R3HDM1: variants seen among roughly 807,000 people sequenced by gnomAD.
R3HDM1 encodes R3H domain containing 1, also known as R3H domain-containing protein 1.
Under a neutral mutation model 141.1 loss-of-function variants are expected in R3HDM1, and 46 were observed. The ratio of observed to expected loss-of-function variants is 0.33; its 90% confidence interval spans 0.26 to 0.42. The LOEUF is 0.42. Ranked by LOEUF, R3HDM1 falls within the 10% of genes least tolerant of loss-of-function variation. The pLI, the probability that R3HDM1 is intolerant of heterozygous loss-of-function variation, is 1.00. For synonymous variants in R3HDM1, 435 were observed against 472.9 expected, an observed-to-expected ratio of 0.92 and a Z score of 1.04; for missense variants, 1,184 against 1,368.3, an observed-to-expected ratio of 0.87 and a Z score of 2.12.
chr2:135,607,248 A>G (rs2060153875), intron 3 of R3HDM1: 1 of 919,994 alleles, frequency 1.1e-6, no homozygotes, highest in Admixed American at 6.2e-5. Context: ...CAGCCTCCCA[A>G]ACTGCTGAGA....
chr2:135,661,924 A>G (rs565409034), intron 19 of R3HDM1, among the ~76,000 whole-genome samples: 1 of 152,366 alleles, frequency 6.6e-6, no homozygotes, highest in East Asian at 1.9e-4. Context: ...TTTTTAAACC[A>G]AATACAATCT....
At chr2:135,594,878 C>T (rs1241956123) in intron 1 of R3HDM1, among the ~76,000 whole-genome samples, 1 of 152,076 alleles carries the variant, frequency 6.6e-6, no homozygotes, top group Non-Finnish European at 1.5e-5. Flanking sequence ...TCTAACTTCG[C>T]ATCTCCTGGT....
At chr2:135,596,676 A>C (rs2059221579) in intron 1 of R3HDM1, among the ~76,000 whole-genome samples, 1 of 152,096 alleles carries the variant, frequency 6.6e-6, no homozygotes, top group South Asian at 2.1e-4. Flanking sequence ...ACATTCTGAC[A>C]TTCTTCTTTG....
chr2:135,659,845 C>T (rs2066462592), intron 18 of R3HDM1, among the ~76,000 whole-genome samples: 1 of 152,316 alleles, frequency 6.6e-6, no homozygotes, highest in African/African-American at 2.4e-5. Flanking sequence ...GTCTGCTATA[C>T]TTTTAAACAA....
At position 135,583,777 on chromosome 2, in the gene R3HDM1, C is replaced by T. The variant is rs137927656; in HGVS notation, c.-249-18723C>T. On this transcript the variant is annotated intron_variant, in intron 1 of 26. Transcript: ENST00000683871. ...AAAGGTTGAGATCTTTAAAAAGTTC[C>T]GCAAGAGCTAAGCCACCAGAAAAAT... is the stretch of plus-strand genomic sequence containing the variant. 6.8e-5 allele frequency: 67 copies of T among 985,348 alleles called. No individual in the cohort carries two copies. In the Admixed American group the frequency reaches 9.2e-4, roughly 14 times the overall value. 61.0% of individuals were successfully genotyped at this position (985,348 alleles called of 1,614,324 possible).
At chr2:135,531,701 C>T (rs1361883528) in intron 1 of R3HDM1, 68 bp downstream of exon 1, 15 of 986,016 alleles carry the variant, frequency 1.5e-5, no homozygotes, top group Middle Eastern at 5.2e-4. Context: ...CCTCCCCCGC[C>T]CGCCAACCGG....
At chr2:135,613,688 C>T (rs112007398) in intron 3 of R3HDM1, among the ~76,000 whole-genome samples, 7 of 152,050 alleles carry the variant, frequency 4.6e-5, no homozygotes, top group East Asian at 3.9e-4. Context: ...TGGTGGCAAA[C>T]GCCTGTAATC....
intron 19 of R3HDM1, among the ~76,000 whole-genome samples, chr2:135,670,744 A>G (rs1032313280): frequency 6.6e-6 from 1 of 152,122 alleles, no homozygotes; most frequent in African/African-American, 2.4e-5. Context: ...TTTTTATAAA[A>G]GATATTAAGT....
chr2:135,571,621 C>T (rs907478725), intron 1 of R3HDM1, among the ~76,000 whole-genome samples: 51 of 150,124 alleles, frequency 3.4e-4, no homozygotes, highest in African/African-American at 1.1e-3. Context: ...CCACTGCACC[C>T]GGCCTAATTT....
At chr2:135,699,072 A>T (rs12185712) in intron 21 of R3HDM1, among the ~76,000 whole-genome samples, 1 of 130,864 alleles carries the variant, frequency 7.6e-6, no homozygotes, top group African/African-American at 3.1e-5. Flanking sequence ...TTGATTAGAT[A>T]GATTAGATAG....
At chr2:135,580,367 A>G (rs1706529119) in intron 1 of R3HDM1, among the ~76,000 whole-genome samples, 1 of 152,256 alleles carries the variant, frequency 6.6e-6, no homozygotes, top group East Asian at 1.9e-4. Flanking sequence ...AAGCTTTGCT[A>G]TCAGGGCTCT....
chr2:135,564,122 T>G (rs970043721), intron 1 of R3HDM1, among the ~76,000 whole-genome samples: 1 of 152,070 alleles, frequency 6.6e-6, no homozygotes, highest in South Asian at 2.1e-4. Flanking sequence ...ACCTCCAACA[T>G]TGGGGATTAC....
intron 21 of R3HDM1, among the ~76,000 whole-genome samples, chr2:135,697,637 A>G (rs1288967254): frequency 1.3e-5 from 2 of 152,228 alleles, no homozygotes. Flanking sequence ...GATACTGAGT[A>G]ATTAAGAAAC....
At chr2:135,699,902 GAATT>G (rs2073984504) in intron 21 of R3HDM1, among the ~76,000 whole-genome samples, 1 of 152,112 alleles carries the variant, frequency 6.6e-6, no homozygotes, top group Non-Finnish European at 1.5e-5. Context: ...CAAAAAATGA[GAATT>G]AAGGCAACTT....
chr2:135,551,208 A>G (rs1386891016), intron 1 of R3HDM1, among the ~76,000 whole-genome samples: 1 of 152,208 alleles, frequency 6.6e-6, no homozygotes, highest in South Asian at 2.1e-4. Flanking sequence ...GCATGGCAGT[A>G]GGTTAGTAGG....
At chr2:135,630,309 C>CAAAAAAAACA (rs2062575888) in intron 7 of R3HDM1, among the ~76,000 whole-genome samples, 28 of 79,138 alleles carry the variant, frequency 3.5e-4, no homozygotes, top group African/African-American at 1.3e-3. Flanking sequence ...AAAAAAAAAA[C>CAAAAAAAACA]AAAAAAAAAA....
chr2:135,692,141 C>T (rs1167199676), intron 21 of R3HDM1, among the ~76,000 whole-genome samples: 2 of 151,980 alleles, frequency 1.3e-5, no homozygotes, highest in Non-Finnish European at 1.5e-5. Flanking sequence ...CGAACTGAAC[C>T]TCAAGTGATC....
chr2:135,668,354 T>C (rs1338587522), intron 19 of R3HDM1, among the ~76,000 whole-genome samples: 2 of 152,250 alleles, frequency 1.3e-5, no homozygotes, highest in Non-Finnish European at 2.9e-5. Context: ...CTTTAGAGAA[T>C]ATAATTCAAA....
chr2:135,561,205 G>A (rs1328563771), intron 1 of R3HDM1: 1 of 622,824 alleles, frequency 1.6e-6, no homozygotes, highest in Non-Finnish European at 2.0e-6. Context: ...TGTACATTCT[G>A]TGAGATGACC....
Sources: allele counts gnomAD v4.1 joint callset (sites outside exome capture counted in the v4.1 genomes callset), GRCh38; gene constraint gnomAD v4.1.1; transcripts MANE v1.5; gene names NCBI Gene and HGNC (gene_info 2026-07-23, HGNC 2026-07-21).